The following ASAP1 variants were observed in gnomAD, a reference collection of about 807,000 sequenced individuals.
The protein encoded by ASAP1 is arf-GAP with SH3 domain, ANK repeat and PH domain-containing protein 1.
ASAP1 carries 43 observed loss-of-function variants against 145.2 expected under a neutral mutation model. The ratio of observed to expected loss-of-function variants is 0.30; its 90% CI spans 0.23 to 0.38. The LOEUF is 0.38. Among genes scored for constraint, ASAP1 ranks in the 10% least tolerant of loss-of-function variants. ASAP1 has a pLI of 1.00. For synonymous variants in ASAP1, 546 were observed against 515.5 expected, an observed-to-expected ratio of 1.06 and a Z score of -0.80; for missense variants, 1,018 against 1,355.3, an observed-to-expected ratio of 0.75 and a Z score of 3.91.
intron 1 of ASAP1, among the ~76,000 whole-genome samples, chr8:130,408,675 AC>A (rs1325250855): frequency 6.6e-6 from 1 of 152,110 alleles, no homozygotes; most frequent in African/African-American, 2.4e-5. Context: ...TCTCTGAAGA[AC>A]CCTTTTACAT....
At chr8:130,300,147 C>CAGAGAG (rs767665838) in intron 3 of ASAP1, among the ~76,000 whole-genome samples, 3 of 100,336 alleles carry the variant, frequency 3.0e-5, no homozygotes, top group African/African-American at 8.3e-5. Flanking sequence ...CACACACACA[C>CAGAGAG]ACACACAGAG....
chr8:130,347,672 T>G (rs1825777265), intron 3 of ASAP1, among the ~76,000 whole-genome samples: 3 of 152,308 alleles, frequency 2.0e-5, no homozygotes, highest in African/African-American at 7.2e-5. Flanking sequence ...TGGCCAAAGC[T>G]GACTGGAGCA....
At chr8:130,439,319 C>G (rs772887889) in intron 1 of ASAP1, among the ~76,000 whole-genome samples, 1 of 152,162 alleles carries the variant, frequency 6.6e-6, no homozygotes, top group African/African-American at 2.4e-5. Context: ...GAGATCCATT[C>G]TAGACTTCTG....
At chr8:130,126,546 T>C (rs541160117) in intron 16 of ASAP1, among the ~76,000 whole-genome samples, 1 of 152,278 alleles carries the variant, frequency 6.6e-6, no homozygotes, top group South Asian at 2.1e-4. Context: ...CAGCTGTAAA[T>C]ATTGAACACC....
intron 1 of ASAP1, among the ~76,000 whole-genome samples, chr8:130,404,353 A>G (rs1828932353): frequency 6.6e-6 from 1 of 152,218 alleles, no homozygotes; most frequent in Admixed American, 6.5e-5. Context: ...AGGATAGCCA[A>G]AACAATCTTG....
At chr8:130,247,485 CT>C (rs1446995667) in intron 3 of ASAP1, among the ~76,000 whole-genome samples, 4 of 151,786 alleles carry the variant, frequency 2.6e-5, no homozygotes, top group Admixed American at 2.6e-4. Flanking sequence ...CTCTCCAACC[CT>C]TCAACCTGAC....
At chr8:130,237,432 T>C (rs1818279533) in intron 3 of ASAP1, among the ~76,000 whole-genome samples, 1 of 151,984 alleles carries the variant, frequency 6.6e-6, no homozygotes, top group Non-Finnish European at 1.5e-5. Flanking sequence ...TTTCAAGGGG[T>C]ATAATGAGTA....
In ASAP1 at chr8:130,171,366, C is replaced by G. The variant is rs192853072; in HGVS notation, c.747-2299G>C. Among the ~76,000 whole-genome samples the G allele has an allele frequency of 9.3e-4, 141 of 152,228 alleles. 2 individuals carry two copies. The highest frequency in any genetic ancestry group is 3.2e-3 in the African/African-American group (132 of 41,540). On this transcript the variant is annotated intron_variant, in intron 9 of 29. Transcript: ENST00000518721. ...AAGAGGTTTAATTGACTCACAGTTC[C>G]ACATGGCTAGGGAGACCTCAGGAAA...
At chr8:130,429,717 C>A (rs1447543398) in intron 1 of ASAP1, among the ~76,000 whole-genome samples, 1 of 152,170 alleles carries the variant, frequency 6.6e-6, no homozygotes, top group Non-Finnish European at 1.5e-5. Context: ...ACTTAACTTA[C>A]CCCAACCAAC....
chr8:130,157,433 G>T lies in ASAP1; in HGVS notation c.1010+2431C>A, dbSNP rs560464219. Among the ~76,000 whole-genome samples the T allele has an allele frequency of 6.6e-5, 10 of 152,124 alleles. No individual in the cohort carries two copies. The South Asian group carries it at 2.1e-3, about 32-fold the overall frequency. On this transcript the variant is annotated intron_variant, in intron 12 of 29. Coordinates refer to ENST00000518721, the MANE Select transcript of ASAP1 (RefSeq NM_018482.4). Reference sequence around the variant, plus strand: ...TTACCCTCTCTTCTGCAGTTCCCCTGGCCTCATCATCAGCTCCCATCTAGG... The same window carrying T: ...TTACCCTCTCTTCTGCAGTTCCCCTTGCCTCATCATCAGCTCCCATCTAGG...
At chr8:130,275,427 A>G (rs1820819997) in intron 3 of ASAP1, among the ~76,000 whole-genome samples, 1 of 152,230 alleles carries the variant, frequency 6.6e-6, no homozygotes, top group Non-Finnish European at 1.5e-5. Context: ...GACCCAGGTC[A>G]ATACCCCTCT....
chr8:130,181,418 A>T (rs1411636588), intron 7 of ASAP1, among the ~76,000 whole-genome samples: 1 of 152,242 alleles, frequency 6.6e-6, no homozygotes, highest in Non-Finnish European at 1.5e-5. Context: ...AGAAAGTTGG[A>T]GACATGAGGC....
intron 11 of ASAP1, among the ~76,000 whole-genome samples, chr8:130,161,523 T>C (rs562975415): frequency 1.2e-4 from 19 of 152,332 alleles, no homozygotes; most frequent in African/African-American, 4.3e-4. Flanking sequence ...GGCTTTGACA[T>C]GGACGCTCAC....
At chr8:130,108,415 T>C (rs2097541106) in intron 24 of ASAP1, among the ~76,000 whole-genome samples, 1 of 152,248 alleles carries the variant, frequency 6.6e-6, no homozygotes, top group South Asian at 2.1e-4. Context: ...TTCTTGAGAT[T>C]GGAATTATCA....
intron 3 of ASAP1, among the ~76,000 whole-genome samples, chr8:130,311,617 T>C (rs985856004): frequency 6.6e-6 from 1 of 151,954 alleles, no homozygotes; most frequent in Non-Finnish European, 1.5e-5. Context: ...CAAAATTAGC[T>C]GGGCATGGTG....
At position 130,333,827 on chromosome 8, in the gene ASAP1, A is replaced by T. The variant is rs1824856370; in HGVS notation, c.186+24190T>A. On this transcript the variant is annotated intron_variant, in intron 3 of 29. Transcript: ENST00000518721. ...GAGGGCCTATTATGTGACAAGCAGC[A>T]TGCAGAATGGAACACCATGCCTATC... Among the ~76,000 whole-genome samples the T allele has an allele frequency of 5.3e-5, 8 of 152,336 alleles. 1 individual carries two copies. Among genetic ancestry groups the T allele is most frequent in the Middle Eastern group, 3.4e-3 (1 of 294 alleles).
At chr8:130,268,523 ACACACACACAC>A (rs1820399607) in intron 3 of ASAP1, among the ~76,000 whole-genome samples, 2 of 148,696 alleles carry the variant, frequency 1.3e-5, no homozygotes, top group African/African-American at 4.9e-5. Flanking sequence ...ACACACACAC[ACACACACACAC>A]AACTGTGTAA....
intron 3 of ASAP1, among the ~76,000 whole-genome samples, chr8:130,275,847 A>G (rs966130002): frequency 1.3e-5 from 2 of 152,188 alleles, no homozygotes; most frequent in African/African-American, 4.8e-5. Flanking sequence ...GCATGTAAAA[A>G]ACTACATTCC....
chr8:130,263,278 T>C (rs1820049141), intron 3 of ASAP1, among the ~76,000 whole-genome samples: 1 of 151,980 alleles, frequency 6.6e-6, no homozygotes, highest in Admixed American at 6.6e-5. Context: ...ACCCAAGATG[T>C]GGCTGGAGGA....
Sources: gnomAD v4.1 joint callset for allele counts (sites outside exome capture counted in the v4.1 genomes callset) on GRCh38, gnomAD v4.1.1 for gene constraint, MANE v1.5 for transcripts, NCBI Gene and HGNC (gene_info 2026-07-23, HGNC 2026-07-21) for gene names.